The following YAE1 variants were observed in gnomAD, a reference collection of about 807,000 sequenced individuals.
YAE1 encodes the protein protein YAE1 homolog.
A neutral mutation model predicts 23.0 loss-of-function variants in YAE1; 22 were observed. The ratio of observed to expected loss-of-function variants is 0.96; its 90% CI spans 0.68 to 1.37. The LOEUF is 1.37. Among genes scored for constraint, YAE1 ranks in the 40% most tolerant of loss-of-function variants. The pLI is 0.00. For synonymous variants in YAE1, 101 were observed against 97.0 expected, an observed-to-expected ratio of 1.04 and a Z score of -0.24; for missense variants, 260 against 262.1, an observed-to-expected ratio of 0.99 and a Z score of 0.06.
chr7:39,566,601 T>C (rs1583665841), intron 1 of YAE1, 54 bp downstream of exon 1: 2 of 1,604,700 alleles, frequency 1.2e-6, no homozygotes, highest in South Asian at 1.1e-5. Flanking sequence ...AGGCGCGGAG[T>C]TGTGAAGAAG....
intron 2 of YAE1, among the ~76,000 whole-genome samples, chr7:39,598,703 G>A (rs1791012708): frequency 6.6e-6 from 1 of 151,218 alleles, no homozygotes; most frequent in Admixed American, 6.6e-5. Context: ...CTTGAACCCA[G>A]GAGGTCAAGG....
chr7:39,587,268 G>C (rs1044379712), intron 2 of YAE1, among the ~76,000 whole-genome samples: 3 of 151,594 alleles, frequency 2.0e-5, no homozygotes, highest in African/African-American at 7.3e-5. Flanking sequence ...TGTTGCCCAG[G>C]CTGGTCTCGA....
chr7:39,576,674 T>G (rs1790660956), downstream of YAE1, among the ~76,000 whole-genome samples: 1 of 152,128 alleles, frequency 6.6e-6, no homozygotes, highest in Non-Finnish European at 1.5e-5. Flanking sequence ...TCCCAATGTT[T>G]CCCCTGCATC....
chr7:39,609,839 G>A (rs1038175464), exon 3 of YAE1: 2 of 1,533,204 alleles, frequency 1.3e-6, no homozygotes, highest in Non-Finnish European at 8.7e-7. Flanking sequence ...CAGGCCCTGG[G>A]ACGCCGAGCC....
At chr7:39,586,512 T>C (rs1187082546) in intron 2 of YAE1, among the ~76,000 whole-genome samples, 2 of 149,040 alleles carry the variant, frequency 1.3e-5, no homozygotes, top group Non-Finnish European at 3.0e-5. Flanking sequence ...TTCTTTCTTT[T>C]TTTTTTAAGA....
intron 2 of YAE1, among the ~76,000 whole-genome samples, chr7:39,578,073 A>G (rs1790682880): frequency 6.6e-6 from 1 of 151,816 alleles, no homozygotes; most frequent in Admixed American, 6.6e-5. Context: ...AGGTTTGTGA[A>G]TACACCAATC....
chr7:39,566,471 A>T lies in YAE1; in HGVS notation c.53A>T (p.Asp18Val). The T allele has an allele frequency of 2.5e-6, 4 of 1,614,134 alleles. No homozygotes were observed. The highest frequency in any genetic ancestry group is 3.4e-6 in the Non-Finnish European group (4 of 1,180,018). The change falls in exon 1 of 3, where the codon GAC (aspartate) becomes GTC (valine). Residue 18 changes from aspartate (D) to valine (V), a missense_variant. Transcript: ENST00000223273. Reference protein sequence around the residue: ...SLIQGPGDKGDVFDEEADESL... With the variant: ...SLIQGPGDKGVVFDEEADESL... ...ATCCAGGGCCCTGGAGACAAAGGGG[A>T]CGTGTTTGACGAAGAAGCAGACGAG...
intron 2 of YAE1, among the ~76,000 whole-genome samples, chr7:39,597,709 C>T (rs553214805): frequency 1.2e-4 from 19 of 152,130 alleles, no homozygotes; most frequent in South Asian, 2.1e-4. Flanking sequence ...CCAATAGATA[C>T]GGCCCGAAAG....
Position 39,602,897 on chromosome 7 carries a change from C to T in YAE1, c.252-6720C>T, listed in dbSNP as rs191673362. 2.0e-3 allele frequency among the ~76,000 whole-genome samples: 301 copies of T among 152,152 alleles called. 1 individual carries two copies. The highest frequency in any genetic ancestry group is 6.8e-3 in the African/African-American group (284 of 41,520). On this transcript the variant is annotated intron_variant, in intron 2 of 2. Coordinates refer to the YAE1 transcript ENST00000432096. ...CCGAGTAGCTGGGATTACAGGCGTG[C>T]GCCACCACACCTGGCTAATTTTTGT...
chr7:39,575,060 G>A (rs1313600472), downstream of YAE1, among the ~76,000 whole-genome samples: 1 of 152,114 alleles, frequency 6.6e-6, no homozygotes, highest in Non-Finnish European at 1.5e-5. Flanking sequence ...CTCACATGTT[G>A]TAGGTCTGCC....
chr7:39,600,662 G>A (rs888050506), intron 2 of YAE1, among the ~76,000 whole-genome samples: 12 of 152,190 alleles, frequency 7.9e-5, no homozygotes, highest in Non-Finnish European at 1.6e-4. Flanking sequence ...CTCCCAAAAT[G>A]TTGGGATTAC....
At chr7:39,590,816 A>C (rs866856059) in intron 2 of YAE1, among the ~76,000 whole-genome samples, 1 of 152,140 alleles carries the variant, frequency 6.6e-6, no homozygotes, top group Non-Finnish European at 1.5e-5. Context: ...TGGATTAGGG[A>C]CACTCAACCT....
chr7:39,579,877 G>T (rs73375698), intron 2 of YAE1, among the ~76,000 whole-genome samples: 9,006 of 151,880 alleles, frequency 0.059, 549 homozygotes, highest in African/African-American at 0.15. Context: ...GCAAAAGCCT[G>T]TCACTACCAA....
chr7:39,595,708 C>T (rs1790963343), intron 2 of YAE1, among the ~76,000 whole-genome samples: 1 of 152,188 alleles, frequency 6.6e-6, no homozygotes, highest in Non-Finnish European at 1.5e-5. Flanking sequence ...TTCATCTCCT[C>T]CTCCCAAGTA....
chr7:39,595,248 G>A (rs1041488341), intron 2 of YAE1, among the ~76,000 whole-genome samples: 2 of 151,988 alleles, frequency 1.3e-5, no homozygotes, highest in Non-Finnish European at 2.9e-5. Context: ...CCAAGGTTAA[G>A]GACATTGCTG....
chr7:39,590,942 T>G (rs1041593115), intron 2 of YAE1, among the ~76,000 whole-genome samples: 2 of 152,342 alleles, frequency 1.3e-5, no homozygotes, highest in South Asian at 4.1e-4. Context: ...TAACAGAAAC[T>G]GCAGACTGGG....
Position 39,572,721 on chromosome 7 carries a change from T to C in YAE1, c.*15T>C. On this transcript the variant is annotated 3_prime_UTR_variant, in exon 3 of 3. Coordinates refer to ENST00000223273, the MANE Select transcript of YAE1 (RefSeq NM_020192.5). Reference sequence around the variant, plus strand: ...AACAACTATAAAATTACCTTCCCTTTTCTAATGAAAATAATGTTCAGAACA... The same window carrying C: ...AACAACTATAAAATTACCTTCCCTTCTCTAATGAAAATAATGTTCAGAACA... 1 of 1,548,152 alleles carries C rather than the reference T, an allele frequency of 6.5e-7. No homozygotes were observed. Among genetic ancestry groups the C allele is most frequent in the Non-Finnish European group, 8.7e-7 (1 of 1,153,896 alleles).
intron 2 of YAE1, among the ~76,000 whole-genome samples, chr7:39,602,743 T>C (rs949718174): frequency 6.5e-5 from 1 of 15,464 alleles, no homozygotes; most frequent in African/African-American, 9.5e-5. Context: ...TGTTTGTTTG[T>C]TTGTTTGTTT....
intron 2 of YAE1, among the ~76,000 whole-genome samples, chr7:39,581,871 C>CA (rs1027186217): frequency 6.3e-4 from 89 of 140,804 alleles, no homozygotes; most frequent in East Asian, 2.4e-3. Flanking sequence ...GACCCAGTCT[C>CA]AAAAAAAAAA....
Sources: gnomAD v4.1 joint callset for allele counts (sites outside exome capture counted in the v4.1 genomes callset) on GRCh38, gnomAD v4.1.1 for gene constraint, MANE v1.5 for transcripts, NCBI Gene and HGNC (gene_info 2026-07-23, HGNC 2026-07-21) for gene names.